MYO1E: variants seen among roughly 807,000 people sequenced by gnomAD.
MYO1E encodes the protein myosin IE.
MYO1E carries 68 observed loss-of-function variants against 151.1 expected under a neutral mutation model. The ratio of observed to expected loss-of-function variants is 0.45; its 90% CI spans 0.37 to 0.55. MYO1E has a LOEUF of 0.55. Among genes scored for constraint, MYO1E ranks in the 20% least tolerant of loss-of-function variants. MYO1E has a pLI of 0.00. For missense variants in MYO1E, 1,363 were observed against 1,389.3 expected (o/e 0.98, Z 0.30); for synonymous variants, 601 against 501.7 (o/e 1.20, Z -2.64).
intron 3 of MYO1E, among the ~76,000 whole-genome samples, chr15:59,258,759 C>T (rs1198686941): frequency 1.3e-5 from 2 of 151,622 alleles, no homozygotes; most frequent in South Asian, 2.1e-4. Context: ...TGGGAAGCTG[C>T]GGTCGGGGGA....
At chr15:59,365,098 C>A (rs1343320155) in intron 1 of MYO1E, among the ~76,000 whole-genome samples, 1 of 151,368 alleles carries the variant, frequency 6.6e-6, no homozygotes, top group Non-Finnish European at 1.5e-5. Context: ...CGGCTCACTG[C>A]AACCTCGGCC....
At chr15:59,287,805 G>A (rs2080395989) in intron 1 of MYO1E, among the ~76,000 whole-genome samples, 1 of 152,178 alleles carries the variant, frequency 6.6e-6, no homozygotes, top group African/African-American at 2.4e-5. Context: ...ATGGCCTCCT[G>A]TCCAGGCCTG....
rs1158224446 is a variant in MYO1E, at chr15:59,132,786, C to G, written c.*4594G>C. 3.3e-5 allele frequency: 5 copies of G among 152,070 alleles called. No individual in the cohort carries two copies. Among genetic ancestry groups the G allele is most frequent in the Non-Finnish European group, 5.9e-5 (4 of 68,034 alleles). 9.4% of individuals were successfully genotyped at this position (152,070 alleles called of 1,614,324 possible). A position where few individuals can be genotyped will look rare whatever the true frequency, so the allele number is the denominator to read the frequency against. On this transcript the variant is annotated 3_prime_UTR_variant, in exon 28 of 28. Transcript: ENST00000288235. ...TAGGGTGGTGCTAAGTAAAGTATGC[C>G]AAGCACTTAGTATAGCTTCTAGTGT... is the stretch of plus-strand genomic sequence containing the variant.
chr15:59,315,115 A>G (rs577167000), intron 1 of MYO1E, among the ~76,000 whole-genome samples: 1 of 152,222 alleles, frequency 6.6e-6, no homozygotes, highest in East Asian at 1.9e-4. Context: ...AGGAGACCCA[A>G]AGTCTCCTTT....
rs1042753299 is a variant in MYO1E at position 59,250,719 on chromosome 15, G to A, written c.332+5565C>T. On this transcript the variant is annotated intron_variant, in intron 4 of 27. Transcript: ENST00000288235. Reference sequence around the variant, plus strand: ...ATGTCTGCAGGGTGGGCAGTCTACCGAGGAGGCCTGTGTCCTTAACCTGGA... The same window carrying A: ...ATGTCTGCAGGGTGGGCAGTCTACCAAGGAGGCCTGTGTCCTTAACCTGGA... Among the ~76,000 whole-genome samples the A allele has an allele frequency of 5.3e-5, 8 of 152,250 alleles. No homozygotes were observed. In the South Asian group the frequency reaches 1.2e-3, roughly 24 times the overall value.
intron 1 of MYO1E, 21 bp downstream of exon 1, chr15:59,372,477 G>A: frequency 6.5e-7 from 1 of 1,538,564 alleles, no homozygotes; most frequent in Non-Finnish European, 8.7e-7. Context: ...GGCGTCCTAG[G>A]ACGCGGCGCG....
chr15:59,287,704 T>C (rs2080395125), intron 1 of MYO1E, among the ~76,000 whole-genome samples: 1 of 152,184 alleles, frequency 6.6e-6, no homozygotes, highest in Admixed American at 6.5e-5. Flanking sequence ...TCCTCCCACA[T>C]GCCAAAGACA....
chr15:59,246,939 T>A (rs1235579021), intron 4 of MYO1E, among the ~76,000 whole-genome samples: 2 of 152,328 alleles, frequency 1.3e-5, no homozygotes, highest in Non-Finnish European at 1.5e-5. Context: ...TCCTCCTGGG[T>A]ATGCAGAGAG....
chr15:59,195,496 G>T lies in MYO1E; in HGVS notation c.1770C>A (p.Asn590Lys). 6.2e-7 allele frequency: 1 copy of T among 1,614,112 alleles called. No individual in the cohort carries two copies. The highest frequency in any genetic ancestry group is 8.5e-7 in the Non-Finnish European group (1 of 1,179,976). The change falls in exon 17 of 28, where the codon AAC becomes AAA. Residue 590 changes from asparagine (N) to lysine (K), a missense_variant. Transcript: ENST00000288235. ...TPHYIRCIKP[N>K]ETKKPRDWEE... ...CCCAGTCTCTGGGCTTCTTGGTTTC[G>T]TTTGGCTTGATGCAGCGAATGTAGT...
intron 22 of MYO1E, 47 bp from the exon 23 acceptor site, chr15:59,163,350 T>C (rs770517674): frequency 3.2e-6 from 5 of 1,580,962 alleles, no homozygotes; most frequent in East Asian, 2.2e-5. Flanking sequence ...TGTGCTTCTG[T>C]TTACTCTATT....
chr15:59,204,241 A>G (rs1288337756), intron 15 of MYO1E, among the ~76,000 whole-genome samples: 3 of 152,198 alleles, frequency 2.0e-5, no homozygotes, highest in African/African-American at 7.2e-5. Flanking sequence ...TGTGGCTGCA[A>G]GGAAGCGCAG....
chr15:59,168,449 G>C (rs1293089049), intron 22 of MYO1E, among the ~76,000 whole-genome samples: 1 of 152,122 alleles, frequency 6.6e-6, no homozygotes, highest in African/African-American at 2.4e-5. Context: ...AGGGGGCTGA[G>C]GTGGGAGGAT....
At chr15:59,179,567 C>T (rs114620611) in intron 18 of MYO1E, among the ~76,000 whole-genome samples, 1,564 of 152,296 alleles carry the variant, frequency 0.01, 33 homozygotes, top group African/African-American at 0.035. Flanking sequence ...CTTACTCCTA[C>T]AGCAACCTGA....
In MYO1E at chr15:59,173,896, G is replaced by A. The variant is rs146508372; in HGVS notation, c.2184C>T (p.Asn728=). Residue 728 remains asparagine, a synonymous_variant, in exon 21 of 28, where the codon AAC becomes AAT. Coordinates refer to ENST00000288235, the MANE Select transcript of MYO1E (RefSeq NM_004998.4). ...TACTGTTTCTCCTTCTCTCCTTCTTGTTCAATAAGAGGTCTGAGGCTACAA... is the reference window on the plus strand; with the variant it reads ...TACTGTTTCTCCTTCTCTCCTTCTTATTCAATAAGAGGTCTGAGGCTACAA... ...MREEASDLLL[N]KKERRRNSIN... The A allele has an allele frequency of 3.7e-6, 6 of 1,614,032 alleles. No individual in the cohort carries two copies. The highest frequency in any genetic ancestry group is 4.5e-5 in the East Asian group (2 of 44,878).
At chr15:59,272,223 A>C (rs1419426193) in intron 2 of MYO1E, 83 bp downstream of exon 2, 10 of 1,526,726 alleles carry the variant, frequency 6.5e-6, no homozygotes, top group Middle Eastern at 2.2e-4. Flanking sequence ...CACGTGAGCC[A>C]CTGCACCCAG....
chr15:59,321,753 T>C (rs1489740140), intron 1 of MYO1E, among the ~76,000 whole-genome samples: 1 of 152,006 alleles, frequency 6.6e-6, no homozygotes, highest in Non-Finnish European at 1.5e-5. Context: ...ATACAAAAAT[T>C]TGCCAGAAGG....
intron 4 of MYO1E, among the ~76,000 whole-genome samples, chr15:59,249,962 T>C (rs1030971053): frequency 9.9e-5 from 15 of 152,098 alleles, no homozygotes; most frequent in Non-Finnish European, 2.2e-4. Flanking sequence ...ACCAGTTCCT[T>C]CACAGGTGAA....
chr15:59,237,939 T>A (rs1156763817), intron 4 of MYO1E, among the ~76,000 whole-genome samples: 1 of 152,172 alleles, frequency 6.6e-6, no homozygotes, highest in African/African-American at 2.4e-5. Context: ...AAAGAAATTA[T>A]GGGGAGGCGG....
At chr15:59,317,749 G>A (rs1320131538) in intron 1 of MYO1E, among the ~76,000 whole-genome samples, 1 of 152,194 alleles carries the variant, frequency 6.6e-6, no homozygotes, top group African/African-American at 2.4e-5. Flanking sequence ...GCCTAGGGGT[G>A]CTAAAGATGA....
Sources: allele counts gnomAD v4.1 joint callset (sites outside exome capture counted in the v4.1 genomes callset), GRCh38; gene constraint gnomAD v4.1.1; transcripts MANE v1.5; gene names NCBI Gene and HGNC (gene_info 2026-07-23, HGNC 2026-07-21).